MLPH: variants seen among roughly 807,000 people sequenced by gnomAD.
MLPH encodes exophilin-3.
MLPH carries 51 observed loss-of-function variants against 72.1 expected under a neutral mutation model. That is an observed-to-expected ratio of 0.71 (90% confidence interval 0.56 to 0.89). MLPH has a LOEUF of 0.89. Among genes scored for constraint, MLPH ranks in the 40% least tolerant of loss-of-function variants. MLPH has a pLI of 0.00. For synonymous variants in MLPH, 301 were observed against 310.1 expected, an observed-to-expected ratio of 0.97 and a Z score of 0.31; for missense variants, 743 against 759.9, an observed-to-expected ratio of 0.98 and a Z score of 0.26.
intron 2 of MLPH, among the ~76,000 whole-genome samples, chr2:237,497,699 C>T (rs76344339): frequency 0.022 from 2,553 of 113,872 alleles, 61 homozygotes; most frequent in African/African-American, 0.096. Flanking sequence ...GAAGATAACT[C>T]TTACAATAAT....
At chr2:237,552,528 A>G (rs572097532) in intron 15 of MLPH, 91 bp downstream of exon 15, 2 of 1,090,274 alleles carry the variant, frequency 1.8e-6, no homozygotes, top group Non-Finnish European at 2.8e-6. Context: ...AGCAAAGAAA[A>G]TGGAGATAAA....
intron 2 of MLPH, among the ~76,000 whole-genome samples, chr2:237,497,732 T>C (rs2079564279): frequency 6.6e-6 from 1 of 152,256 alleles, no homozygotes; most frequent in South Asian, 2.1e-4. Context: ...CTGTCTTTCA[T>C]CATTGCTAAT....
At chr2:237,514,481 G>A (rs1470049799) in intron 4 of MLPH, among the ~76,000 whole-genome samples, 1 of 152,000 alleles carries the variant, frequency 6.6e-6, no homozygotes, top group Non-Finnish European at 1.5e-5. Context: ...CTGGCTTTGG[G>A]AGAAAGGGAT....
At chr2:237,522,880 G>A (rs1476583132) in intron 6 of MLPH, among the ~76,000 whole-genome samples, 3 of 152,210 alleles carry the variant, frequency 2.0e-5, no homozygotes, top group Non-Finnish European at 4.4e-5. Flanking sequence ...CGATGCGGTT[G>A]TACTGGACTG....
intron 2 of MLPH, among the ~76,000 whole-genome samples, chr2:237,502,939 C>T (rs903183198): frequency 6.6e-5 from 10 of 151,868 alleles, no homozygotes; most frequent in African/African-American, 2.4e-4. Flanking sequence ...GTCAGCATGG[C>T]GAAACCCCAT....
chr2:237,499,023 C>T (rs1022790577), intron 2 of MLPH, among the ~76,000 whole-genome samples: 12 of 152,146 alleles, frequency 7.9e-5, no homozygotes, highest in African/African-American at 2.4e-4. Context: ...AGTTTGAAGC[C>T]TCCTCTTTTT....
At position 237,512,051 on chromosome 2, in the gene MLPH, A is replaced by G. The variant is rs2079915103; in HGVS notation, c.445+950A>G. Among the ~76,000 whole-genome samples, 1 of 152,180 alleles carries G rather than the reference A, an allele frequency of 6.6e-6. No homozygotes were observed. The highest frequency in any genetic ancestry group is 6.5e-5 in the Admixed American group (1 of 15,282). On this transcript the variant is annotated intron_variant, in intron 4 of 15. Transcript: ENST00000264605. This position sits in a 1 kb window ranked among gnomAD's most constrained non-coding sequence, Gnocchi z 5.5. ...GGTGTCTGGGGTCTCAGTGTCCTGG[A>G]TGACTCCATCTGCAAGACCAAGGCG... is the stretch of plus-strand genomic sequence containing the variant.
At chr2:237,493,290 A>ACAGACAG in intron 1 of MLPH, 113 bp from the exon 2 acceptor site, 1 of 758,064 alleles carries the variant, frequency 1.3e-6, no homozygotes, top group South Asian at 1.4e-5. Flanking sequence ...TAACCCAAGT[A>ACAGACAG]CAGACAGATG....
At chr2:237,545,668 C>G (rs2080903124) in intron 12 of MLPH, 1 of 1,243,296 alleles carries the variant, frequency 8.0e-7, no homozygotes, top group African/African-American at 1.6e-5. Context: ...TCCTCCTCTC[C>G]TGATCCCATT....
At position 237,553,829 on chromosome 2, in the gene MLPH, A is replaced by G; in HGVS notation, c.*237A>G. 1 of 696,286 alleles carries G rather than the reference A, an allele frequency of 1.4e-6. No homozygotes were observed. The highest frequency in any genetic ancestry group is 2.7e-5 in the East Asian group (1 of 36,718). 43.1% of individuals were successfully genotyped at this position (696,286 alleles called of 1,614,324 possible). A position where few individuals can be genotyped will look rare whatever the true frequency, so the allele number is the denominator to read the frequency against. On this transcript the variant is annotated 3_prime_UTR_variant, in exon 16 of 16. Transcript: ENST00000264605. ...GCCCCACCATCCTCTCTGATCTGTG[A>G]GAAACAGCTAAGCTGCTGTGACTTC... is the stretch of plus-strand genomic sequence containing the variant.
intron 4 of MLPH, among the ~76,000 whole-genome samples, chr2:237,516,084 A>G (rs1309772214): frequency 6.6e-6 from 1 of 152,142 alleles, no homozygotes; most frequent in African/African-American, 2.4e-5. Context: ...CACACCTGTG[A>G]CCCGTGAGGC....
upstream of MLPH, chr2:237,487,100 C>G (rs1367708885): frequency 6.6e-6 from 1 of 152,294 alleles, no homozygotes; most frequent in Non-Finnish European, 1.5e-5. Flanking sequence ...GGGGCTCTCC[C>G]CCGCACTGGC....
rs1210894753 is a variant in MLPH at position 237,505,343 on chromosome 2, C to T, written c.111-5231C>T. On this transcript the variant is annotated intron_variant, in intron 2 of 15. Transcript: ENST00000264605. The surrounding 1 kb of genome is among the most constrained non-coding windows in gnomAD (Gnocchi z 4.5). ...GGCCTCTTCCACCAACCCCAAGCCT[C>T]TGCCAGTCCCCTGGCTGCTCCTCAT... Among the ~76,000 whole-genome samples, 1 of 152,184 alleles carries T rather than the reference C, an allele frequency of 6.6e-6. No homozygotes were observed. Among genetic ancestry groups the T allele is most frequent in the Admixed American group, 6.5e-5 (1 of 15,288 alleles).
intron 4 of MLPH, chr2:237,517,994 G>A (rs541335345): frequency 6.1e-5 from 13 of 211,986 alleles, no homozygotes; most frequent in Non-Finnish European, 1.0e-4. Context: ...TGGATAAATC[G>A]ATTGATGGGT....
chr2:237,518,308 T>G (rs1574861687), intron 4 of MLPH: 1 of 612,860 alleles, frequency 1.6e-6, no homozygotes, highest in Non-Finnish European at 3.0e-6. Flanking sequence ...GATAAATGGG[T>G]GGGTGGGTAG....
Position 237,525,810 on chromosome 2 carries a change from G to A in MLPH, c.880+5G>A. 6.2e-7 allele frequency: 1 copy of A among 1,610,584 alleles called. No homozygotes were observed. The highest frequency in any genetic ancestry group is 8.5e-7 in the Non-Finnish European group (1 of 1,179,924). ...TGGGGACTGCTGCTGCACTCGGTAG[G>A]TGCCCTTGGCCAGGGTCTTCCTGAT... On this transcript the variant is annotated splice_donor_5th_base_variant and intron_variant, in intron 7 of 15. Transcript: ENST00000264605.
intron 6 of MLPH, among the ~76,000 whole-genome samples, chr2:237,524,884 C>G (rs571889204): frequency 6.6e-6 from 1 of 152,202 alleles, no homozygotes; most frequent in Non-Finnish European, 1.5e-5. Context: ...CCACCCAGGC[C>G]GGTCTGAAGA....
intron 13 of MLPH, among the ~76,000 whole-genome samples, chr2:237,547,978 G>A (rs960054293): frequency 6.6e-6 from 1 of 152,168 alleles, no homozygotes; most frequent in Non-Finnish European, 1.5e-5. Flanking sequence ...GGAACATCTA[G>A]CCACTCCTCT....
At chr2:237,487,520 C>A in intron 1 of MLPH, 83 bp downstream of exon 1, 1 of 153,160 alleles carries the variant, frequency 6.5e-6, no homozygotes, top group Non-Finnish European at 1.5e-5. Context: ...TGCGCGGTGT[C>A]GCGTGCAGAC....
Sources: allele counts gnomAD v4.1 joint callset (sites outside exome capture counted in the v4.1 genomes callset), GRCh38; gene constraint gnomAD v4.1.1; non-coding constraint Gnocchi (gnomAD v3.1); transcripts MANE v1.5; gene names NCBI Gene and HGNC (gene_info 2026-07-23, HGNC 2026-07-21).